HS6ST3: variants seen among roughly 807,000 people sequenced by gnomAD.
The protein encoded by HS6ST3 is heparan sulfate 6-O-sulfotransferase 3.
Under a neutral mutation model 36.7 loss-of-function variants are expected in HS6ST3, and 12 were observed. The observed-to-expected ratio is 0.33, with a 90% confidence interval of 0.21 to 0.53. The LOEUF is 0.53. HS6ST3 is among the 20% of genes least tolerant of loss of function. The probability of loss-of-function intolerance (pLI) is 0.95; values close to 1 mark genes in which losing one functional copy is unlikely to be tolerated. For missense variants in HS6ST3, 584 were observed against 640.9 expected (o/e 0.91, Z 0.96); for synonymous variants, 240 against 257.5 (o/e 0.93, Z 0.65).
chr13:96,288,462 C>CA (rs11444695), intron 1 of HS6ST3, among the ~76,000 whole-genome samples: 8,457 of 152,010 alleles, frequency 0.056, 318 homozygotes, highest in East Asian at 0.16. Flanking sequence ...GTACTGTGAT[C>CA]AACTAGGGTT....
intron 1 of HS6ST3, among the ~76,000 whole-genome samples, chr13:96,287,765 C>T (rs993256260): frequency 2.6e-5 from 4 of 151,916 alleles, no homozygotes; most frequent in African/African-American, 9.7e-5. Context: ...TCTGTTTCTC[C>T]CATCTCCTTC....
chr13:96,493,072 C>T (rs2138906994), intron 1 of HS6ST3, among the ~76,000 whole-genome samples: 1 of 152,306 alleles, frequency 6.6e-6, no homozygotes, highest in South Asian at 2.1e-4. Context: ...CTTGGCTTCC[C>T]AAGGTCATGT....
intron 1 of HS6ST3, among the ~76,000 whole-genome samples, chr13:96,116,484 A>AG (rs2053894826): frequency 6.6e-6 from 1 of 152,184 alleles, no homozygotes; most frequent in Non-Finnish European, 1.5e-5. Flanking sequence ...AAGAAACAAC[A>AG]GCATGGCAGA....
At chr13:96,167,871 CTG>C (rs377536495) in intron 1 of HS6ST3, among the ~76,000 whole-genome samples, 6 of 152,136 alleles carry the variant, frequency 3.9e-5, no homozygotes, top group African/African-American at 1.4e-4. Flanking sequence ...TAAATAAACT[CTG>C]TATATGTGTG....
At chr13:96,347,834 C>G (rs1440789670) in intron 1 of HS6ST3, among the ~76,000 whole-genome samples, 1 of 152,184 alleles carries the variant, frequency 6.6e-6, no homozygotes, top group African/African-American at 2.4e-5. Context: ...CCACCCCTTT[C>G]ACTATAACTG....
At chr13:96,701,014 A>G (rs551833597) in intron 1 of HS6ST3, among the ~76,000 whole-genome samples, 16 of 152,350 alleles carry the variant, frequency 1.1e-4, no homozygotes, top group Admixed American at 1.0e-3. Flanking sequence ...AAAGGTCACA[A>G]TTTAAGGGTG....
At chr13:96,819,322 C>T (rs1420959380) in intron 1 of HS6ST3, among the ~76,000 whole-genome samples, 2 of 152,186 alleles carry the variant, frequency 1.3e-5, no homozygotes. Flanking sequence ...AAGTCTGGAA[C>T]ACTACCTACT....
intron 1 of HS6ST3, among the ~76,000 whole-genome samples, chr13:96,716,123 T>C: frequency 6.6e-6 from 1 of 152,158 alleles, no homozygotes; most frequent in Admixed American, 6.5e-5. Context: ...TTTTCTCATA[T>C]TTGTTTTTAT....
Position 96,091,416 on chromosome 13 carries a change from C to T in HS6ST3, c.554C>T (p.Thr185Ile), listed in dbSNP as rs546169910. Residue 185 changes from threonine to isoleucine, a missense_variant, in exon 1 of 2, where the codon ACC (threonine) becomes ATC (isoleucine). Physicochemically the swap from Thr to Ile is moderately conservative, Grantham distance 89. Coordinates refer to ENST00000376705, the MANE Select transcript of HS6ST3 (RefSeq NM_153456.4). ...CSCKAGQKKC[T>I]CHRPGKKETW... The stretch of plus-strand genomic sequence containing the variant: ...TGCAAAGCGGGTCAGAAGAAGTGCA[C>T]CTGCCACCGGCCTGGCAAGAAGGAG... 196 of 1,613,150 alleles carry T rather than the reference C, an allele frequency of 1.2e-4. No homozygotes were observed. In the South Asian group the frequency reaches 1.7e-3, roughly 14 times the overall value.
At chr13:96,227,903 C>T (rs1328000358) in intron 1 of HS6ST3, among the ~76,000 whole-genome samples, 2 of 152,114 alleles carry the variant, frequency 1.3e-5, no homozygotes, top group African/African-American at 4.8e-5. Flanking sequence ...ATCAACAATT[C>T]TACGGTTGGG....
chr13:96,575,439 A>G (rs757082188), intron 1 of HS6ST3, among the ~76,000 whole-genome samples: 58 of 152,194 alleles, frequency 3.8e-4, no homozygotes, highest in Admixed American at 7.9e-4. Context: ...AGGACACATC[A>G]TAGGAGAGTG....
chr13:96,486,535 C>T (rs959949971), intron 1 of HS6ST3, among the ~76,000 whole-genome samples: 6 of 152,114 alleles, frequency 3.9e-5, no homozygotes, highest in Admixed American at 3.9e-4. Context: ...TTGTCGTTTT[C>T]TGACTTTTTA....
Position 96,658,268 on chromosome 13 carries a change from C to CTTCTTTTTTTT in HS6ST3, c.708-174220_708-174219insCTTTTTTTTTT, listed in dbSNP as rs1566422902. Among the ~76,000 whole-genome samples, 9 of 76,174 alleles carry CTTCTTTTTTTT rather than the reference C, an allele frequency of 1.2e-4. 1 individual carries two copies. Among genetic ancestry groups the CTTCTTTTTTTT allele is most frequent in the Non-Finnish European group, 1.9e-4 (8 of 41,052 alleles). 50.0% of individuals were successfully genotyped at this position (76,174 alleles called of 152,430 possible). A position where few individuals can be genotyped will look rare whatever the true frequency, so the allele number is the denominator to read the frequency against. ...TTCTTCTTCTTCTTCTCTTCTTCTT[C>CTTCTTTTTTTT]TTTTTTTTTTTTTTTTTTTTTTTTT... On this transcript the variant is annotated intron_variant, in intron 1 of 1. Coordinates refer to ENST00000376705, the MANE Select transcript of HS6ST3 (RefSeq NM_153456.4).
At chr13:96,130,160 T>G (rs1015123514) in intron 1 of HS6ST3, among the ~76,000 whole-genome samples, 4 of 152,208 alleles carry the variant, frequency 2.6e-5, no homozygotes, top group Non-Finnish European at 5.9e-5. Flanking sequence ...GGTATATACA[T>G]TAATTTATAC....
intron 1 of HS6ST3, among the ~76,000 whole-genome samples, chr13:96,675,240 C>T (rs1462380654): frequency 6.6e-6 from 1 of 151,990 alleles, no homozygotes; most frequent in Non-Finnish European, 1.5e-5. Context: ...CACCCTAAAT[C>T]TCTATCTAAA....
At chr13:96,709,514 G>A (rs967371870) in intron 1 of HS6ST3, among the ~76,000 whole-genome samples, 8 of 152,086 alleles carry the variant, frequency 5.3e-5, no homozygotes, top group Admixed American at 5.2e-4. Context: ...TGGAGGTGAG[G>A]GCTTTTGGAG....
intron 1 of HS6ST3, among the ~76,000 whole-genome samples, chr13:96,139,622 T>G (rs1383196106): frequency 6.7e-6 from 1 of 149,824 alleles, no homozygotes; most frequent in African/African-American, 2.4e-5. Flanking sequence ...TCTTATAAAA[T>G]TATAATTCAT....
intron 1 of HS6ST3, among the ~76,000 whole-genome samples, chr13:96,099,442 C>G (rs1398867451): frequency 6.6e-6 from 1 of 152,140 alleles, no homozygotes; most frequent in Non-Finnish European, 1.5e-5. Context: ...AGAATGGAAA[C>G]TTGCAGTCTT....
chr13:96,707,333 T>C (rs1875454123), intron 1 of HS6ST3, among the ~76,000 whole-genome samples: 1 of 152,118 alleles, frequency 6.6e-6, no homozygotes, highest in Non-Finnish European at 1.5e-5. Context: ...AACCCGACCA[T>C]GCTGGCACCC....
Sources: gnomAD v4.1 joint callset for allele counts (sites outside exome capture counted in the v4.1 genomes callset) on GRCh38, gnomAD v4.1.1 for gene constraint, MANE v1.5 for transcripts, NCBI Gene and HGNC (gene_info 2026-07-23, HGNC 2026-07-21) for gene names.